The following RELN variants were observed in gnomAD, a reference collection of about 807,000 sequenced individuals.
The protein encoded by RELN is reelin.
In RELN, 108 loss-of-function variants were observed where a neutral mutation model predicts 427.6. The ratio of observed to expected loss-of-function variants is 0.25; its 90% confidence interval spans 0.22 to 0.30. The LOEUF (loss-of-function observed/expected upper bound fraction) is 0.30, where lower values mean the gene tolerates loss of function less well. RELN is among the 10% of genes least tolerant of loss of function. The probability of loss-of-function intolerance (pLI) is 1.00; values close to 1 mark genes in which losing one functional copy is unlikely to be tolerated. For synonymous variants in RELN, 1,524 were observed against 1,513.4 expected (o/e 1.01, Z -0.16); for missense variants, 3,715 against 4,302.8 (o/e 0.86, Z 3.82).
In RELN at chr7:103,511,015, A is replaced by C; in HGVS notation, c.8120-10T>G. 1 of 1,611,312 alleles carries C rather than the reference A, an allele frequency of 6.2e-7. No homozygotes were observed. The highest frequency in any genetic ancestry group is 1.3e-5 in the African/African-American group (1 of 74,980). On this transcript the variant is annotated splice_polypyrimidine_tract_variant and intron_variant, in intron 50 of 64. Coordinates refer to ENST00000428762, the MANE Select transcript of RELN (RefSeq NM_005045.4). Reference sequence around the variant, plus strand: ...AGCCAGTGCTCATTCACTTAAAACAAAAAAACAAAATTTTATGACAAATTT... The same window carrying C: ...AGCCAGTGCTCATTCACTTAAAACACAAAAACAAAATTTTATGACAAATTT...
intron 2 of RELN, among the ~76,000 whole-genome samples, chr7:103,853,226 A>G (rs1005297568): frequency 6.6e-6 from 1 of 152,114 alleles, no homozygotes; most frequent in Non-Finnish European, 1.5e-5. Flanking sequence ...TTGACTAAAA[A>G]ATGACATTGA....
At chr7:103,667,943 T>C (rs1029067805) in intron 11 of RELN, among the ~76,000 whole-genome samples, 3 of 152,152 alleles carry the variant, frequency 2.0e-5, no homozygotes, top group African/African-American at 7.2e-5. Context: ...TTAAAATACA[T>C]TACAGGCTGG....
intron 1 of RELN, among the ~76,000 whole-genome samples, chr7:103,950,219 C>T (rs1254786090): frequency 2.0e-5 from 3 of 152,122 alleles, no homozygotes; most frequent in African/African-American, 4.8e-5. Context: ...AATCATGGCT[C>T]AAAGGCCCTA....
intron 1 of RELN, among the ~76,000 whole-genome samples, chr7:103,969,273 T>C (rs963624489): frequency 6.6e-6 from 1 of 152,238 alleles, no homozygotes; most frequent in Non-Finnish European, 1.5e-5. Context: ...AATTAAATTC[T>C]GTGGCCCATT....
At chr7:103,851,055 A>G (rs915097942) in intron 2 of RELN, among the ~76,000 whole-genome samples, 2 of 152,246 alleles carry the variant, frequency 1.3e-5, no homozygotes, top group Non-Finnish European at 1.5e-5. Context: ...AGAACAATTC[A>G]CATTGCAAAA....
chr7:103,494,365 T>G (rs934724590), intron 57 of RELN, among the ~76,000 whole-genome samples: 39 of 118,308 alleles, frequency 3.3e-4, no homozygotes, highest in South Asian at 1.0e-3. Context: ...GTAATGACTT[T>G]TGTGTGTGTG....
chr7:103,708,037 T>C (rs1834243944), intron 8 of RELN, among the ~76,000 whole-genome samples: 1 of 152,232 alleles, frequency 6.6e-6, no homozygotes, highest in African/African-American at 2.4e-5. Flanking sequence ...AATATTTTAT[T>C]GTAAACTTGG....
intron 20 of RELN, among the ~76,000 whole-genome samples, chr7:103,617,500 C>CTA (rs1295913063): frequency 1.3e-5 from 2 of 149,798 alleles, no homozygotes; most frequent in East Asian, 1.9e-4. Context: ...TGAAAGGAAT[C>CTA]TATATATATG....
intron 11 of RELN, among the ~76,000 whole-genome samples, chr7:103,678,217 G>T (rs914469011): frequency 3.0e-4 from 45 of 152,118 alleles, no homozygotes; most frequent in African/African-American, 1.1e-3. Flanking sequence ...TGGGATGAAA[G>T]GCAAATACAC....
intron 60 of RELN, among the ~76,000 whole-genome samples, chr7:103,487,136 C>T (rs1828468638): frequency 6.6e-6 from 1 of 152,134 alleles, no homozygotes; most frequent in Non-Finnish European, 1.5e-5. Context: ...AACCATCATT[C>T]TCTGCAAACT....
At chr7:103,509,227 G>A (rs1829315264) in intron 51 of RELN, among the ~76,000 whole-genome samples, 1 of 152,172 alleles carries the variant, frequency 6.6e-6, no homozygotes, top group African/African-American at 2.4e-5. Flanking sequence ...AAACCTGGAG[G>A]CATCATGCTA....
Position 103,815,328 on chromosome 7 carries a change from G to A in RELN, c.473+18209C>T, listed in dbSNP as rs76688704. Reference sequence around the variant, plus strand: ...GAATCAACAGTTTTACTCTTTCCAGGCAAATAAAATAAATCTTTGCTCACT... The same window carrying A: ...GAATCAACAGTTTTACTCTTTCCAGACAAATAAAATAAATCTTTGCTCACT... On this transcript the variant is annotated intron_variant, in intron 3 of 64. Coordinates refer to ENST00000428762, the MANE Select transcript of RELN (RefSeq NM_005045.4). Among the ~76,000 whole-genome samples the A allele has an allele frequency of 9.1e-4, 139 of 152,108 alleles. No homozygotes were observed. The East Asian group carries it at 0.024, about 26-fold the overall frequency.
intron 1 of RELN, among the ~76,000 whole-genome samples, chr7:103,935,268 AAAGT>A (rs1384731890): frequency 1.3e-5 from 2 of 152,154 alleles, no homozygotes; most frequent in African/African-American, 4.8e-5. Flanking sequence ...AGTCAATTCC[AAAGT>A]AAGCTTCCAT....
intron 4 of RELN, among the ~76,000 whole-genome samples, chr7:103,775,444 G>A (rs1386317645): frequency 6.6e-6 from 1 of 152,124 alleles, no homozygotes; most frequent in East Asian, 1.9e-4. Flanking sequence ...AAGTCATATT[G>A]TGATCTATAT....
chr7:103,680,316 G>A (rs1408230148), intron 11 of RELN, among the ~76,000 whole-genome samples: 2 of 152,002 alleles, frequency 1.3e-5, no homozygotes, highest in Admixed American at 6.6e-5. Flanking sequence ...ATGGGGGCTG[G>A]TAACACTGGG....
chr7:103,939,565 T>C (rs1255533099), intron 1 of RELN, among the ~76,000 whole-genome samples: 2 of 152,226 alleles, frequency 1.3e-5, no homozygotes, highest in Admixed American at 6.5e-5. Context: ...AACCATTCTT[T>C]GTGTACTTTG....
intron 6 of RELN, among the ~76,000 whole-genome samples, chr7:103,728,509 T>G (rs895885641): frequency 6.6e-6 from 1 of 152,124 alleles, no homozygotes; most frequent in African/African-American, 2.4e-5. Context: ...ATAGTTATTG[T>G]GAGGATGAAA....
intron 1 of RELN, among the ~76,000 whole-genome samples, chr7:103,979,990 T>C (rs1375841091): frequency 6.6e-6 from 1 of 152,020 alleles, no homozygotes; most frequent in African/African-American, 2.4e-5. Context: ...GGAGAAACCC[T>C]GTCTCTACTA....
At chr7:103,661,346 G>A (rs768907569) in intron 12 of RELN, 30 bp downstream of exon 12, 25 of 1,611,460 alleles carry the variant, frequency 1.6e-5, no homozygotes, top group Middle Eastern at 1.6e-4. Flanking sequence ...TTTGCCCCAC[G>A]GTGAACAAAG....
Sources: allele counts gnomAD v4.1 joint callset (sites outside exome capture counted in the v4.1 genomes callset), GRCh38; gene constraint gnomAD v4.1.1; transcripts MANE v1.5; gene names NCBI Gene and HGNC (gene_info 2026-07-23, HGNC 2026-07-21).